The following DOCK3 variants were observed in gnomAD, a reference collection of about 807,000 sequenced individuals.
DOCK3 encodes the protein dedicator of cytokinesis 3.
Under a neutral mutation model 265.6 loss-of-function variants are expected in DOCK3, and 60 were observed. That is an observed-to-expected ratio of 0.23 (90% CI 0.18 to 0.28). The LOEUF is 0.28. Ranked by LOEUF, DOCK3 falls within the 10% of genes least tolerant of loss-of-function variation. The pLI, the probability that DOCK3 is intolerant of heterozygous loss-of-function variation, is 1.00. For synonymous variants in DOCK3, 881 were observed against 938.0 expected (o/e 0.94, Z 1.11); for missense variants, 1,981 against 2,594.3 (o/e 0.76, Z 5.14).
At chr3:51,237,227 A>C (rs867356236) in intron 20 of DOCK3, among the ~76,000 whole-genome samples, 2 of 152,128 alleles carry the variant, frequency 1.3e-5, no homozygotes, top group African/African-American at 2.4e-5. Flanking sequence ...ACCACCCAGC[A>C]TTATTGTGAA....
chr3:50,951,444 A>G, intron 5 of DOCK3, among the ~76,000 whole-genome samples: 1 of 152,172 alleles, frequency 6.6e-6, no homozygotes, highest in South Asian at 2.1e-4. Context: ...ATTTTTTTCC[A>G]TATGAGTTCT....
At chr3:51,377,792 G>T (rs572783576) in intron 51 of DOCK3, among the ~76,000 whole-genome samples, 6 of 152,312 alleles carry the variant, frequency 3.9e-5, no homozygotes, top group Admixed American at 2.0e-4. Context: ...TAGCCTTCCT[G>T]CCCTAGAGCT....
intron 9 of DOCK3, among the ~76,000 whole-genome samples, chr3:51,132,297 A>G (rs2084593384): frequency 6.6e-6 from 1 of 152,080 alleles, no homozygotes; most frequent in South Asian, 2.1e-4. Context: ...TGTTCTCCAG[A>G]TTTCTGTTTA....
intron 3 of DOCK3, among the ~76,000 whole-genome samples, chr3:50,857,247 G>A (rs1352304557): frequency 6.6e-6 from 1 of 152,114 alleles, no homozygotes; most frequent in East Asian, 1.9e-4. Flanking sequence ...GGTAAGATTG[G>A]TCGCAGCTCT....
At chr3:51,208,476 G>T (rs2108133806) in intron 12 of DOCK3, among the ~76,000 whole-genome samples, 1 of 152,304 alleles carries the variant, frequency 6.6e-6, no homozygotes, top group South Asian at 2.1e-4. Context: ...CTGTGCACAT[G>T]CATGCAACGG....
At chr3:51,303,170 C>T (rs566556431) in intron 27 of DOCK3, among the ~76,000 whole-genome samples, 1 of 151,826 alleles carries the variant, frequency 6.6e-6, no homozygotes, top group Admixed American at 6.6e-5. Context: ...AGTCTTCAAG[C>T]TCTGAAATTA....
At chr3:50,901,823 T>G (rs2049217094) in intron 4 of DOCK3, among the ~76,000 whole-genome samples, 4 of 152,168 alleles carry the variant, frequency 2.6e-5, no homozygotes, top group Admixed American at 2.6e-4. Context: ...CCAGTCCCAA[T>G]GAGATGAACC....
At chr3:51,283,590 G>A (rs1022016995) in intron 27 of DOCK3, among the ~76,000 whole-genome samples, 14 of 152,176 alleles carry the variant, frequency 9.2e-5, no homozygotes, top group Admixed American at 2.0e-4. Context: ...CTTAGACTGG[G>A]GAGTTAAAGG....
intron 19 of DOCK3, among the ~76,000 whole-genome samples, chr3:51,231,997 C>T (rs74710648): frequency 0.023 from 3,550 of 152,258 alleles, 155 homozygotes; most frequent in African/African-American, 0.081. Context: ...TGCAGCATGT[C>T]AGTGGGAAGG....
intron 3 of DOCK3, among the ~76,000 whole-genome samples, chr3:50,847,869 C>T (rs541555088): frequency 3.3e-5 from 4 of 121,716 alleles, no homozygotes; most frequent in East Asian, 2.4e-4. Context: ...GGTGACAGAA[C>T]GAGGCTCCAT....
At chr3:51,325,657 C>G (rs894407910) in intron 32 of DOCK3, among the ~76,000 whole-genome samples, 16 of 152,130 alleles carry the variant, frequency 1.1e-4, no homozygotes, top group African/African-American at 3.9e-4. Context: ...GACTTGGAAC[C>G]AACCCAAATG....
At chr3:50,901,104 C>T (rs1033438522) in intron 4 of DOCK3, 1 of 254,300 alleles carries the variant, frequency 3.9e-6, no homozygotes, top group East Asian at 1.4e-4. Context: ...TGCTCTGTCC[C>T]AGGGAGATGG....
At chr3:50,993,212 C>G (rs528401178) in intron 5 of DOCK3, among the ~76,000 whole-genome samples, 2 of 152,250 alleles carry the variant, frequency 1.3e-5, no homozygotes, top group South Asian at 4.1e-4. Flanking sequence ...ATATCTGTCC[C>G]CTTGGCTAAA....
intron 9 of DOCK3, among the ~76,000 whole-genome samples, chr3:51,097,367 C>T (rs541896535): frequency 1.6e-4 from 25 of 152,324 alleles, no homozygotes; most frequent in African/African-American, 5.8e-4. Context: ...CAGTGGGCTC[C>T]ACCCAGTTCG....
chr3:50,676,948 TAA>T (rs962031364), intron 1 of DOCK3, among the ~76,000 whole-genome samples: 1 of 152,222 alleles, frequency 6.6e-6, no homozygotes, highest in Non-Finnish European at 1.5e-5. Context: ...CTAATAACAC[TAA>T]GTGTGTTCTG....
chr3:51,026,440 T>G (rs1015212472), intron 5 of DOCK3, among the ~76,000 whole-genome samples: 1 of 152,100 alleles, frequency 6.6e-6, no homozygotes, highest in African/African-American at 2.4e-5. Flanking sequence ...GTAGTTTTTT[T>G]TTTTTTTTTA....
intron 27 of DOCK3, among the ~76,000 whole-genome samples, chr3:51,282,653 C>CAAAAAA (rs1198884358): frequency 1.2e-5 from 1 of 81,488 alleles, no homozygotes; most frequent in South Asian, 4.4e-4. Context: ...AACTCTGTCT[C>CAAAAAA]AAAAAAAAAA....
intron 1 of DOCK3, among the ~76,000 whole-genome samples, chr3:50,766,874 T>C (rs1280800930): frequency 6.6e-6 from 1 of 152,242 alleles, no homozygotes; most frequent in Admixed American, 6.5e-5. Flanking sequence ...TTATGACCAG[T>C]GATGAAGAGC....
At chr3:50,961,350 G>A (rs114284376) in intron 5 of DOCK3, among the ~76,000 whole-genome samples, 5,090 of 152,222 alleles carry the variant, frequency 0.033, 280 homozygotes, top group African/African-American at 0.11. Context: ...TATCAAATGA[G>A]GATACATGCA....
Sources: gnomAD v4.1 joint callset for allele counts (sites outside exome capture counted in the v4.1 genomes callset) on GRCh38, gnomAD v4.1.1 for gene constraint, MANE v1.5 for transcripts, NCBI Gene and HGNC (gene_info 2026-07-23, HGNC 2026-07-21) for gene names.